NALF1: variants seen among roughly 807,000 people sequenced by gnomAD.
NALF1 encodes family with sequence similarity 155 member A.
Under a neutral mutation model 48.4 loss-of-function variants are expected in NALF1, and 3 were observed. The ratio of observed to expected loss-of-function variants is 0.06; its 90% CI spans 0.03 to 0.16. NALF1 has a LOEUF of 0.16. NALF1 is among the 10% of genes least tolerant of loss of function. NALF1 has a pLI of 1.00. For synonymous variants in NALF1, 262 were observed against 245.7 expected, an observed-to-expected ratio of 1.07 and a Z score of -0.62; for missense variants, 526 against 571.5, an observed-to-expected ratio of 0.92 and a Z score of 0.81.
intron 1 of NALF1, among the ~76,000 whole-genome samples, chr13:107,306,024 A>G (rs773648454): frequency 5.3e-5 from 8 of 152,196 alleles, no homozygotes; most frequent in Non-Finnish European, 1.2e-4. Flanking sequence ...GGTACAAACT[A>G]AGAATGGCAG....
intron 1 of NALF1, among the ~76,000 whole-genome samples, chr13:107,792,502 G>C (rs1351123683): frequency 3.9e-5 from 6 of 152,108 alleles, no homozygotes; most frequent in Admixed American, 3.9e-4. Flanking sequence ...AGCCTAGTAA[G>C]ATCTGCTTTC....
At chr13:107,655,993 T>C (rs1255362617) in intron 1 of NALF1, among the ~76,000 whole-genome samples, 1 of 152,072 alleles carries the variant, frequency 6.6e-6, no homozygotes, top group Admixed American at 6.6e-5. Context: ...ATCTCTCACC[T>C]TATACAAAGA....
chr13:107,656,558 T>A (rs1489859939), intron 1 of NALF1, among the ~76,000 whole-genome samples: 1 of 152,130 alleles, frequency 6.6e-6, no homozygotes, highest in East Asian at 1.9e-4. Flanking sequence ...ACAATGCTGG[T>A]GGGAATGTAA....
chr13:107,862,662 G>A (rs1417827013), intron 1 of NALF1, among the ~76,000 whole-genome samples: 4 of 151,806 alleles, frequency 2.6e-5, no homozygotes, highest in Admixed American at 6.6e-5. Flanking sequence ...TTGCAATACA[G>A]AAGTACATCC....
chr13:107,203,984 C>T (rs1879578170), intron 2 of NALF1, among the ~76,000 whole-genome samples: 1 of 137,186 alleles, frequency 7.3e-6, no homozygotes, highest in Non-Finnish European at 1.7e-5. Context: ...ACAAGTGTCA[C>T]CCAGGTGAGC....
intron 1 of NALF1, among the ~76,000 whole-genome samples, chr13:107,815,817 G>A (rs1301604006): frequency 1.3e-5 from 2 of 152,090 alleles, no homozygotes; most frequent in African/African-American, 4.8e-5. Context: ...AAAAATGACT[G>A]CAACACTGAT....
At chr13:107,352,675 G>A (rs1367344504) in intron 1 of NALF1, among the ~76,000 whole-genome samples, 5 of 152,134 alleles carry the variant, frequency 3.3e-5, no homozygotes, top group East Asian at 1.9e-4. Flanking sequence ...AAAGCCCCAC[G>A]TTCTAATGCC....
At chr13:107,487,618 G>A (rs565330050) in intron 1 of NALF1, among the ~76,000 whole-genome samples, 28 of 152,194 alleles carry the variant, frequency 1.8e-4, no homozygotes, top group Middle Eastern at 3.4e-3. Context: ...CTTGGATTCC[G>A]CAGATGAAGC....
intron 1 of NALF1, among the ~76,000 whole-genome samples, chr13:107,601,097 G>A (rs958809953): frequency 6.6e-6 from 1 of 152,130 alleles, no homozygotes; most frequent in Non-Finnish European, 1.5e-5. Context: ...TGTCAGTTGG[G>A]GACCAGCATG....
chr13:107,773,436 T>A (rs942480104), intron 1 of NALF1, among the ~76,000 whole-genome samples: 1 of 152,164 alleles, frequency 6.6e-6, no homozygotes, highest in Non-Finnish European at 1.5e-5. Flanking sequence ...TATGGGATAA[T>A]CTTGTAATTA....
At chr13:107,492,032 GTTTTTTTTTGTTT>G (rs1659696869) in intron 1 of NALF1, among the ~76,000 whole-genome samples, 1 of 103,372 alleles carries the variant, frequency 9.7e-6, no homozygotes, top group Admixed American at 9.9e-5. Flanking sequence ...GCCTGTCTGG[GTTTTTTTTTGTTT>G]TTTTTTTTTT....
chr13:107,687,992 C>T (rs566676121), intron 1 of NALF1, among the ~76,000 whole-genome samples: 1 of 152,254 alleles, frequency 6.6e-6, no homozygotes, highest in South Asian at 2.1e-4. Flanking sequence ...AGAATACTGG[C>T]ATAGAACTTT....
chr13:107,520,165 G>T (rs1473527352), intron 1 of NALF1, among the ~76,000 whole-genome samples: 2 of 151,892 alleles, frequency 1.3e-5, no homozygotes, highest in Non-Finnish European at 2.9e-5. Flanking sequence ...TGTTTTTGGG[G>T]GTTCAGAGAA....
At chr13:107,366,280 T>C (rs1157450292) in intron 1 of NALF1, among the ~76,000 whole-genome samples, 1 of 152,184 alleles carries the variant, frequency 6.6e-6, no homozygotes, top group Non-Finnish European at 1.5e-5. Context: ...AGGTTATGCA[T>C]TGAGATTCAT....
chr13:107,390,359 A>AG (rs1883603238), intron 1 of NALF1, among the ~76,000 whole-genome samples: 1 of 152,132 alleles, frequency 6.6e-6, no homozygotes, highest in African/African-American at 2.4e-5. Context: ...AAGAAAAAAA[A>AG]AAAGGAAAGA....
intron 2 of NALF1, among the ~76,000 whole-genome samples, chr13:107,198,840 T>A (rs1170996917): frequency 6.6e-6 from 1 of 152,200 alleles, no homozygotes; most frequent in East Asian, 1.9e-4. Context: ...TCTTCCTACA[T>A]CTATTCACAT....
intron 1 of NALF1, among the ~76,000 whole-genome samples, chr13:107,808,521 A>G (rs1052220945): frequency 1.3e-5 from 2 of 152,078 alleles, no homozygotes; most frequent in East Asian, 1.9e-4. Flanking sequence ...TCTTCTTGCT[A>G]TGCACATCAA....
intron 1 of NALF1, among the ~76,000 whole-genome samples, chr13:107,819,999 A>G (rs1594291827): frequency 1.3e-5 from 2 of 152,150 alleles, no homozygotes; most frequent in East Asian, 3.8e-4. Context: ...CAAATCCTGA[A>G]GACAAAGATT....
In NALF1 at chr13:107,169,334, G is replaced by A. The variant is rs1878740937; in HGVS notation, c.*1163C>T. On this transcript the variant is annotated 3_prime_UTR_variant, in exon 3 of 3. Transcript: ENST00000375915. ...ACTGGAATAAAATTGTGTATATTCT[G>A]TATATTGCAGGTGTTTGAGCATTTC... is the stretch of plus-strand genomic sequence containing the variant. The A allele has an allele frequency of 6.6e-6, 1 of 152,164 alleles. No individual in the cohort carries two copies. The highest frequency in any genetic ancestry group is 2.1e-4 in the South Asian group (1 of 4,830). 9.4% of individuals were successfully genotyped at this position (152,164 alleles called of 1,614,324 possible). A position where few individuals can be genotyped will look rare whatever the true frequency, so the allele number is the denominator to read the frequency against.
Sources: gnomAD v4.1 joint callset for allele counts (sites outside exome capture counted in the v4.1 genomes callset) on GRCh38, gnomAD v4.1.1 for gene constraint, MANE v1.5 for transcripts, NCBI Gene and HGNC (gene_info 2026-07-23, HGNC 2026-07-21) for gene names.